MUC7: variants seen among roughly 807,000 people sequenced by gnomAD.
The protein encoded by MUC7 is mucin-7.
MUC7 carries 2 observed loss-of-function variants against 2.5 expected under a neutral mutation model. That is an observed-to-expected ratio of 0.81 (90% CI 0.33 to 2.55). The LOEUF is 2.55. MUC7 is among the 30% of genes most tolerant of loss of function. The pLI, the probability that MUC7 is intolerant of heterozygous loss-of-function variation, is 0.11. For synonymous variants in MUC7, 133 were observed against 173.4 expected, an observed-to-expected ratio of 0.77 and a Z score of 1.83; for missense variants, 408 against 455.6, an observed-to-expected ratio of 0.90 and a Z score of 0.95.
chr4:70,481,163 C>G lies in MUC7; in HGVS notation c.419C>G (p.Ser140Cys). 6.2e-7 allele frequency: 1 copy of G among 1,614,206 alleles called. No individual in the cohort carries two copies. Among genetic ancestry groups the G allele is most frequent in the Non-Finnish European group, 8.5e-7 (1 of 1,180,038 alleles). Residue 140 changes from serine to cysteine, a missense_variant, in exon 3 of 3, where the codon TCT becomes TGT. Ser to Cys is a moderately radical substitution (Grantham distance 112). Coordinates refer to ENST00000304887, the MANE Select transcript of MUC7 (RefSeq NM_152291.3). ...TFLPQNATTI[S>C]SRENVNTSSS... The stretch of plus-strand genomic sequence containing the variant: ...CTTCCCCAGAATGCCACCACCATAT[C>G]TTCAAGAGAAAATGTTAACACAAGC...
intron 1 of MUC7, among the ~76,000 whole-genome samples, chr4:70,466,994 A>G (rs1475025419): frequency 6.6e-6 from 1 of 152,206 alleles, no homozygotes; most frequent in East Asian, 1.9e-4. Context: ...TCTAAAATTG[A>G]CCACATAATT....
intron 1 of MUC7, among the ~76,000 whole-genome samples, chr4:70,444,978 G>A (rs1280006537): frequency 6.6e-6 from 1 of 152,122 alleles, no homozygotes; most frequent in Non-Finnish European, 1.5e-5. Flanking sequence ...CTTGAACCTG[G>A]GAGGAGGAGG....
At chr4:70,445,932 G>T (rs1263985107) in intron 1 of MUC7, among the ~76,000 whole-genome samples, 4 of 152,138 alleles carry the variant, frequency 2.6e-5, no homozygotes, top group African/African-American at 9.7e-5. Flanking sequence ...CCCCAGACAT[G>T]ACCTTCTCTC....
At chr4:70,459,441 G>T (rs1415980877) in intron 1 of MUC7, among the ~76,000 whole-genome samples, 4 of 152,136 alleles carry the variant, frequency 2.6e-5, no homozygotes, top group Admixed American at 6.6e-5. Flanking sequence ...GGGGTTGGGG[G>T]AGCGAGGAGG....
intron 1 of MUC7, among the ~76,000 whole-genome samples, chr4:70,450,396 C>A (rs567265153): frequency 5.9e-5 from 9 of 152,298 alleles, no homozygotes; most frequent in African/African-American, 2.2e-4. Flanking sequence ...AGAGTCAAGT[C>A]CTGGAATTGG....
intron 2 of MUC7, among the ~76,000 whole-genome samples, chr4:70,476,824 C>T (rs1247115875): frequency 3.3e-5 from 5 of 152,034 alleles, no homozygotes; most frequent in South Asian, 4.2e-4. Flanking sequence ...AGGAATGTAC[C>T]GGAGATTAGC....
At chr4:70,466,946 C>T (rs1396767457) in intron 1 of MUC7, among the ~76,000 whole-genome samples, 1 of 152,204 alleles carries the variant, frequency 6.6e-6, no homozygotes, top group African/African-American at 2.4e-5. Flanking sequence ...CCAAAATCAA[C>T]AGAATATACA....
At chr4:70,463,075 T>G (rs1457114201) in intron 1 of MUC7, among the ~76,000 whole-genome samples, 1 of 152,216 alleles carries the variant, frequency 6.6e-6, no homozygotes, top group East Asian at 1.9e-4. Context: ...GGTCAAATTC[T>G]TCTACTCTTA....
intron 2 of MUC7, among the ~76,000 whole-genome samples, chr4:70,476,828 G>C (rs553897636): frequency 2.0e-5 from 3 of 152,212 alleles, no homozygotes; most frequent in Non-Finnish European, 2.9e-5. Context: ...ATGTACCGGA[G>C]ATTAGCATTA....
intron 1 of MUC7, among the ~76,000 whole-genome samples, chr4:70,432,954 C>T (rs1260319712): frequency 6.6e-6 from 1 of 152,180 alleles, no homozygotes; most frequent in Non-Finnish European, 1.5e-5. Context: ...ATATGGCTAG[C>T]CAGTTTTCCC....
chr4:70,432,403 C>A (rs1733697181), intron 1 of MUC7, among the ~76,000 whole-genome samples: 1 of 152,200 alleles, frequency 6.6e-6, no homozygotes, highest in Non-Finnish European at 1.5e-5. Flanking sequence ...TCCTCTCCAG[C>A]ACCTGTTGTT....
At chr4:70,452,172 C>T (rs565090488) in intron 1 of MUC7, among the ~76,000 whole-genome samples, 2 of 152,264 alleles carry the variant, frequency 1.3e-5, no homozygotes, top group East Asian at 3.9e-4. Flanking sequence ...TTCTTGTAGG[C>T]ATCAGATCAC....
chr4:70,481,814 C>A lies in MUC7; in HGVS notation c.1070C>A (p.Ser357Tyr), dbSNP rs769012056. Reference sequence around the variant, plus strand: ...TCAGCTCCTGGCCAAAATAAAATTTCTCGATTTCTTTTATATATGAAGAAT... The same window carrying A: ...TCAGCTCCTGGCCAAAATAAAATTTATCGATTTCTTTTATATATGAAGAAT... ...PTSAPGQNKI[S>Y]RFLLYMKNLL... is the part of the protein sequence containing the mutation. The change falls in exon 3 of 3, where the codon TCT (serine) becomes TAT (tyrosine). Residue 357 changes from serine (S) to tyrosine (Y), a missense_variant. Physicochemically the swap from Ser to Tyr is moderately radical, Grantham distance 144. Around this residue, in one of 3 missense-constraint regions of MUC7, gnomAD observed 175 missense variants for 187.1 expected, o/e 0.94. Coordinates refer to ENST00000304887, the MANE Select transcript of MUC7 (RefSeq NM_152291.3). 6.2e-7 allele frequency: 1 copy of A among 1,614,144 alleles called. No individual in the cohort carries two copies. The highest frequency in any genetic ancestry group is 8.5e-7 in the Non-Finnish European group (1 of 1,179,998).
In MUC7 at chr4:70,482,252, A is replaced by C. The variant is rs1735222571; in HGVS notation, c.*374A>C. The C allele has an allele frequency of 4.8e-6, 1 of 206,748 alleles. No homozygotes were observed. Among genetic ancestry groups the C allele is most frequent in the Non-Finnish European group, 9.8e-6 (1 of 102,296 alleles). 12.8% of individuals were successfully genotyped at this position (206,748 alleles called of 1,614,324 possible). A position where few individuals can be genotyped will look rare whatever the true frequency, so the allele number is the denominator to read the frequency against. On this transcript the variant is annotated 3_prime_UTR_variant, in exon 3 of 3. Transcript: ENST00000304887. The stretch of plus-strand genomic sequence containing the variant: ...GTACCCCCATCAAAATCCCACCTGA[A>C]CCATCTAATCCTATAAACATAAAGG...
At position 70,436,436 on chromosome 4, in the gene MUC7, TTA is replaced by T. The variant is rs68112896; in HGVS notation, c.-93+5751_-93+5752del. Among the ~76,000 whole-genome samples the T allele has an allele frequency of 1.5e-3, 221 of 151,496 alleles. 1 individual carries two copies. The highest frequency in any genetic ancestry group is 2.1e-3 in the Non-Finnish European group (145 of 67,730). ...TTTTCTCTAGTCTTGTCTTCTCACT[TTA>T]TTTCATTAATTTGATCTTCAATCAT... On this transcript the variant is annotated intron_variant, in intron 1 of 3. Transcript: ENST00000413702.
At chr4:70,459,286 T>C (rs923117603) in intron 1 of MUC7, among the ~76,000 whole-genome samples, 5 of 152,170 alleles carry the variant, frequency 3.3e-5, no homozygotes, top group African/African-American at 1.2e-4. Context: ...TGTAGGGACA[T>C]GGATGAAATT....
At chr4:70,431,259 T>A (rs1434278663) in intron 1 of MUC7, among the ~76,000 whole-genome samples, 1 of 151,990 alleles carries the variant, frequency 6.6e-6, no homozygotes, top group Admixed American at 6.6e-5. Context: ...TGTATTTACT[T>A]TTTTTTCATT....
At chr4:70,470,114 G>A (rs1253588523), upstream of MUC7, among the ~76,000 whole-genome samples, 1 of 152,318 alleles carries the variant, frequency 6.6e-6, no homozygotes, top group African/African-American at 2.4e-5. Context: ...GCAGGGACAT[G>A]GATGAAGCTG....
intron 1 of MUC7, among the ~76,000 whole-genome samples, chr4:70,446,300 C>A (rs1237102457): frequency 6.6e-6 from 1 of 152,132 alleles, no homozygotes; most frequent in African/African-American, 2.4e-5. Context: ...ATAATGCATG[C>A]ACATTCTGGG....
Sources: allele counts gnomAD v4.1 joint callset (sites outside exome capture counted in the v4.1 genomes callset), GRCh38; gene constraint gnomAD v4.1.1; regional missense constraint gnomAD v4.1.1; transcripts MANE v1.5; gene names NCBI Gene and HGNC (gene_info 2026-07-23, HGNC 2026-07-21).